Variants in PKHD1 observed in about 807,000 individuals in gnomAD.
PKHD1 encodes the protein PKHD1 ciliary IPT domain containing fibrocystin/polyductin, also known as fibrocystin.
In PKHD1, 291 loss-of-function variants were observed where a neutral mutation model predicts 412.0. The ratio of observed to expected loss-of-function variants is 0.71; its 90% CI spans 0.64 to 0.78. The LOEUF (loss-of-function observed/expected upper bound fraction) is 0.78, where lower values mean the gene tolerates loss of function less well. PKHD1 is among the 30% of genes least tolerant of loss of function. PKHD1 has a pLI of 0.00. For missense variants in PKHD1, 4,825 were observed against 4,950.7 expected, an observed-to-expected ratio of 0.97 and a Z score of 0.76; for synonymous variants, 1,777 against 1,821.5, an observed-to-expected ratio of 0.98 and a Z score of 0.62.
intron 36 of PKHD1, among the ~76,000 whole-genome samples, chr6:51,942,566 C>T (rs1354086079): frequency 1.3e-5 from 2 of 151,450 alleles, no homozygotes; most frequent in Non-Finnish European, 3.0e-5. Context: ...GACTTCAATC[C>T]GGCCTCCCAC....
intron 41 of PKHD1, among the ~76,000 whole-genome samples, chr6:51,904,729 T>C (rs1334717664): frequency 2.6e-5 from 4 of 152,208 alleles, no homozygotes; most frequent in Non-Finnish European, 5.9e-5. Context: ...ATTCAAGCAC[T>C]AAAGGCTAAA....
At chr6:51,867,075 G>C (rs1163928003) in intron 48 of PKHD1, among the ~76,000 whole-genome samples, 1 of 152,122 alleles carries the variant, frequency 6.6e-6, no homozygotes, top group Non-Finnish European at 1.5e-5. Flanking sequence ...ACTCCCTGAA[G>C]TTTACTTGTT....
chr6:51,841,999 T>G (rs530455345), intron 50 of PKHD1, among the ~76,000 whole-genome samples: 1 of 152,236 alleles, frequency 6.6e-6, no homozygotes, highest in Non-Finnish European at 1.5e-5. Context: ...ATCTTTGTGA[T>G]GAGACAGACC....
At chr6:52,036,070 T>C (rs1242601569) in intron 27 of PKHD1, among the ~76,000 whole-genome samples, 1 of 152,210 alleles carries the variant, frequency 6.6e-6, no homozygotes, top group Non-Finnish European at 1.5e-5. Flanking sequence ...CATATTCTTT[T>C]CCTAAGAAAC....
chr6:52,055,641 A>G lies in PKHD1; in HGVS notation c.1782T>C (p.Leu594=), dbSNP rs1317608260. Residue 594 remains leucine (L), a synonymous_variant, in exon 19 of 67, where the codon CTT becomes CTC. Transcript: ENST00000371117. ...GRFSLRQPRH[L]VLTPPAAQKG... is the part of the protein sequence containing the mutation. ...TCTGGGCAGCCGGGGGAGTAAGGACAAGGTGTCGAGGCTGACGGAGGCTGA... is the reference window on the plus strand; with the variant it reads ...TCTGGGCAGCCGGGGGAGTAAGGACGAGGTGTCGAGGCTGACGGAGGCTGA... 6.2e-7 allele frequency: 1 copy of G among 1,613,932 alleles called. No homozygotes were observed. The highest frequency in any genetic ancestry group is 2.2e-5 in the East Asian group (1 of 44,870).
intron 55 of PKHD1, among the ~76,000 whole-genome samples, chr6:51,769,543 G>A (rs955297022): frequency 6.6e-6 from 1 of 151,352 alleles, no homozygotes; most frequent in South Asian, 2.1e-4. Context: ...TATGATTAAA[G>A]TTATTAGAGA....
At chr6:51,722,654 T>C (rs1029133841) in intron 60 of PKHD1, among the ~76,000 whole-genome samples, 1 of 152,220 alleles carries the variant, frequency 6.6e-6, no homozygotes, top group Non-Finnish European at 1.5e-5. Flanking sequence ...TTGTAATATA[T>C]AATCAATATA....
chr6:52,083,207 C>A lies in PKHD1; in HGVS notation c.101G>T (p.Gly34Val). The A allele has an allele frequency of 6.2e-7, 1 of 1,612,006 alleles. No individual in the cohort carries two copies. The highest frequency in any genetic ancestry group is 8.5e-7 in the Non-Finnish European group (1 of 1,178,054). Residue 34 changes from glycine (G) to valine (V), a missense_variant, in exon 3 of 67, where the codon GGG becomes GTG. Transcript: ENST00000371117. ...HIEPEEGSLAGGTWITVIFDG... is the reference protein window; with the variant it reads ...HIEPEEGSLAVGTWITVIFDG... ...AAAAATGACTGTGATCCACGTTCCC[C>A]CTGCAAGGCTACCTTCTTCAGGTTC... is the stretch of plus-strand genomic sequence containing the variant.
At chr6:51,943,830 A>G (rs540624442) in intron 36 of PKHD1, among the ~76,000 whole-genome samples, 6 of 151,230 alleles carry the variant, frequency 4.0e-5, no homozygotes, top group Non-Finnish European at 8.9e-5. Context: ...AATCTCTCCC[A>G]CTGTAGGTTT....
chr6:51,667,949 C>A (rs1320783873), intron 60 of PKHD1, among the ~76,000 whole-genome samples: 2 of 152,062 alleles, frequency 1.3e-5, no homozygotes, highest in Admixed American at 6.6e-5. Context: ...GTTACTGTAG[C>A]CTTGTAGTAT....
chr6:51,695,671 T>C (rs555895193), intron 60 of PKHD1, among the ~76,000 whole-genome samples: 1 of 152,304 alleles, frequency 6.6e-6, no homozygotes, highest in African/African-American at 2.4e-5. Context: ...TTATAGGTTA[T>C]GAAAATGATG....
rs137884921 is a variant in PKHD1 at position 51,731,184 on chromosome 6, G to A, written c.10156+13201C>T. ...TTAAAACTTGAAGACTAGGAACACA[G>A]CTTACTAGTCAATGAAGTCCTTGAA... On this transcript the variant is annotated intron_variant, in intron 60 of 66. Coordinates refer to ENST00000371117, the MANE Select transcript of PKHD1 (RefSeq NM_138694.4). Among the ~76,000 whole-genome samples, 21 of 152,018 alleles carry A rather than the reference G, an allele frequency of 1.4e-4. No homozygotes were observed. The East Asian group carries it at 4.1e-3, about 29-fold the overall frequency.
intron 35 of PKHD1, among the ~76,000 whole-genome samples, chr6:51,981,320 T>TC (rs1317146889): frequency 7.1e-5 from 1 of 14,086 alleles, no homozygotes; most frequent in African/African-American, 2.0e-4. Context: ...GCTCTCCCTC[T>TC]CCCTCTCCCT....
chr6:51,684,343 G>T (rs1209720202), intron 60 of PKHD1, among the ~76,000 whole-genome samples: 5 of 152,122 alleles, frequency 3.3e-5, no homozygotes, highest in African/African-American at 1.2e-4. Flanking sequence ...AAACAACTGA[G>T]ATTTGGAGAT....
chr6:51,695,908 T>C (rs1386147114), intron 60 of PKHD1, among the ~76,000 whole-genome samples: 1 of 152,136 alleles, frequency 6.6e-6, no homozygotes, highest in African/African-American at 2.4e-5. Context: ...AGAAGAAAAA[T>C]GGCACAAGCC....
intron 60 of PKHD1, among the ~76,000 whole-genome samples, chr6:51,691,694 T>A (rs1169035635): frequency 6.6e-6 from 1 of 151,950 alleles, no homozygotes; most frequent in East Asian, 1.9e-4. Context: ...TCAGGAAAAA[T>A]AACCAATGAG....
chr6:52,069,943 A>G (rs1366109580), intron 10 of PKHD1, among the ~76,000 whole-genome samples: 1 of 152,210 alleles, frequency 6.6e-6, no homozygotes, highest in Non-Finnish European at 1.5e-5. Flanking sequence ...TACGCTTTTA[A>G]CAGAAACACC....
At chr6:52,054,451 T>G (rs917216898) in intron 19 of PKHD1, among the ~76,000 whole-genome samples, 2 of 152,200 alleles carry the variant, frequency 1.3e-5, no homozygotes, top group Admixed American at 6.5e-5. Context: ...TGCTTGGCAG[T>G]GAGGATTTTA....
Position 52,025,188 on chromosome 6 carries a change from C to T in PKHD1, c.4622G>A (p.Arg1541Lys). ...FNASHVVCQT[R>K]DLAPGPHYLS... ...GTAGTGGGGTCCTGGGGCCAAGTCT[C>T]TTGTCTGGCACACAACGTGGCTTGC... is the stretch of plus-strand genomic sequence containing the variant. The change falls in exon 32 of 67, where the codon AGA (arginine) becomes AAA (lysine). Residue 1541 changes from arginine to lysine, a missense_variant. Transcript: ENST00000371117. 1.2e-6 allele frequency: 2 copies of T among 1,614,156 alleles called. No homozygotes were observed. The highest frequency in any genetic ancestry group is 1.7e-6 in the Non-Finnish European group (2 of 1,180,026).
Sources: gnomAD v4.1 joint callset for allele counts (sites outside exome capture counted in the v4.1 genomes callset) on GRCh38, gnomAD v4.1.1 for gene constraint, MANE v1.5 for transcripts, NCBI Gene and HGNC (gene_info 2026-07-23, HGNC 2026-07-21) for gene names.